Variants in RAB10 observed in about 807,000 individuals in gnomAD.
RAB10 encodes the protein ras-related protein Rab-10.
Under a neutral mutation model 25.7 loss-of-function variants are expected in RAB10, and 5 were observed. The ratio of observed to expected loss-of-function variants is 0.19; its 90% CI spans 0.10 to 0.41. The LOEUF is 0.41. RAB10 is among the 10% of genes least tolerant of loss of function. The probability of loss-of-function intolerance (pLI) is 1.00; values close to 1 mark genes in which losing one functional copy is unlikely to be tolerated. For missense variants in RAB10, 103 were observed against 245.8 expected, an observed-to-expected ratio of 0.42 and a Z score of 3.89; for synonymous variants, 89 against 86.4, an observed-to-expected ratio of 1.03 and a Z score of -0.16.
Position 26,034,472 on chromosome 2 carries a change from G to A in RAB10, c.-137G>A. 1 of 1,200,740 alleles carries A rather than the reference G, an allele frequency of 8.3e-7. No individual in the cohort carries two copies. Among genetic ancestry groups the A allele is most frequent in the Non-Finnish European group, 1.1e-6 (1 of 869,968 alleles). 74.4% of individuals were successfully genotyped at this position (1,200,740 alleles called of 1,614,324 possible). On this transcript the variant is annotated 5_prime_UTR_variant, in exon 1 of 6. Transcript: ENST00000264710. ...GCTTCCTCAAAGCTGTTCGTAGGTC[G>A]CCCGCGCCGTCTCGAGCCTTTTTCC...
chr2:26,080,152 G>T (rs1406685359), intron 1 of RAB10, among the ~76,000 whole-genome samples: 1 of 152,006 alleles, frequency 6.6e-6, no homozygotes, highest in Non-Finnish European at 1.5e-5. Context: ...GGCCAGAGCT[G>T]GAATGAAATA....
Position 26,135,219 on chromosome 2 carries a change from T to A in RAB10, c.*198T>A. On this transcript the variant is annotated 3_prime_UTR_variant, in exon 6 of 6. Coordinates refer to ENST00000264710, the MANE Select transcript of RAB10 (RefSeq NM_016131.5). The stretch of plus-strand genomic sequence containing the variant: ...ATAATTTTCTTCAAACAAAAAAATG[T>A]ATAGAAAAATCATGTCTGTGAGTTC... 1 of 497,054 alleles carries A rather than the reference T, an allele frequency of 2.0e-6. No individual in the cohort carries two copies. Among genetic ancestry groups the A allele is most frequent in the Non-Finnish European group, 3.5e-6 (1 of 282,072 alleles). The allele number at this position is 497,054 out of a possible 1,614,324, so 30.8% of individuals were successfully genotyped here. A position where few individuals can be genotyped will look rare whatever the true frequency, so the allele number is the denominator to read the frequency against.
At chr2:26,102,296 G>C (rs1273138959) in intron 2 of RAB10, among the ~76,000 whole-genome samples, 2 of 152,064 alleles carry the variant, frequency 1.3e-5, no homozygotes, top group African/African-American at 4.8e-5. Flanking sequence ...CTTGTGCCTG[G>C]AATAATGTCT....
chr2:26,060,261 C>G (rs564842023), intron 1 of RAB10, among the ~76,000 whole-genome samples: 1 of 152,224 alleles, frequency 6.6e-6, no homozygotes, highest in East Asian at 1.9e-4. Context: ...TCATTTTGTT[C>G]TCACAGTAGT....
At chr2:26,037,254 A>G (rs1453036722) in intron 1 of RAB10, among the ~76,000 whole-genome samples, 1 of 152,140 alleles carries the variant, frequency 6.6e-6, no homozygotes, top group Non-Finnish European at 1.5e-5. Flanking sequence ...ATGATTTTGG[A>G]TCAAGTCTGC....
At chr2:26,116,593 G>A (rs1260389331) in intron 3 of RAB10, among the ~76,000 whole-genome samples, 1 of 111,780 alleles carries the variant, frequency 8.9e-6, no homozygotes, top group Non-Finnish European at 1.6e-5. Context: ...GTCTTGCTCT[G>A]TCGCCCAGGC....
intron 5 of RAB10, among the ~76,000 whole-genome samples, chr2:26,133,060 A>G (rs1197012525): frequency 6.6e-6 from 1 of 152,220 alleles, no homozygotes; most frequent in African/African-American, 2.4e-5. Flanking sequence ...ATGGAGGAGA[A>G]GAATCCCAAT....
chr2:26,097,181 A>G (rs538366231), intron 1 of RAB10, among the ~76,000 whole-genome samples: 148 of 152,286 alleles, frequency 9.7e-4, no homozygotes, highest in African/African-American at 3.4e-3. Context: ...ATGCCACTGC[A>G]CTCTAGCCTG....
At position 26,127,955 on chromosome 2, in the gene RAB10, A is replaced by G. The variant is rs745606073; in HGVS notation, c.519+4A>G. The stretch of plus-strand genomic sequence containing the variant: ...AGCTGAAGATATCCTTCGAAAGGTA[A>G]GTTCCTGTTTTTATATCCTGCCAGG... On this transcript the variant is annotated splice_donor_region_variant and intron_variant, in intron 5 of 5. Coordinates refer to ENST00000264710, the MANE Select transcript of RAB10 (RefSeq NM_016131.5). 2 of 1,577,428 alleles carry G rather than the reference A, an allele frequency of 1.3e-6. No homozygotes were observed. The highest frequency in any genetic ancestry group is 8.7e-7 in the Non-Finnish European group (1 of 1,146,624).
At chr2:26,116,770 A>G (rs1296006533) in intron 3 of RAB10, among the ~76,000 whole-genome samples, 1 of 151,552 alleles carries the variant, frequency 6.6e-6, no homozygotes, top group African/African-American at 2.4e-5. Flanking sequence ...GTTAGCCAGG[A>G]TGGTCTCGAT....
At position 26,034,454 on chromosome 2, in the gene RAB10, C is replaced by G; in HGVS notation, c.-155C>G. 9.7e-7 allele frequency: 1 copy of G among 1,028,240 alleles called. No individual in the cohort carries two copies. Among genetic ancestry groups the G allele is most frequent in the Non-Finnish European group, 1.4e-6 (1 of 721,352 alleles). 63.7% of individuals were successfully genotyped at this position (1,028,240 alleles called of 1,614,324 possible). Reference sequence around the variant, plus strand: ...GACGCCGCCACTGTCGGGGCTTCCTCAAAGCTGTTCGTAGGTCGCCCGCGC... The same window carrying G: ...GACGCCGCCACTGTCGGGGCTTCCTGAAAGCTGTTCGTAGGTCGCCCGCGC... On this transcript the variant is annotated 5_prime_UTR_variant, in exon 1 of 6. Coordinates refer to ENST00000264710, the MANE Select transcript of RAB10 (RefSeq NM_016131.5).
intron 1 of RAB10, among the ~76,000 whole-genome samples, chr2:26,078,296 G>A (rs1489779495): frequency 1.3e-5 from 2 of 152,102 alleles, no homozygotes; most frequent in Non-Finnish European, 2.9e-5. Context: ...TCAAAATTTT[G>A]ATTACAGAAA....
At chr2:26,126,518 G>A (rs936196194) in intron 3 of RAB10, among the ~76,000 whole-genome samples, 2 of 152,140 alleles carry the variant, frequency 1.3e-5, no homozygotes, top group African/African-American at 2.4e-5. Context: ...GCTTGAACTC[G>A]GGAGGCGAAA....
chr2:26,040,231 A>G (rs1665855125), intron 1 of RAB10, among the ~76,000 whole-genome samples: 1 of 152,178 alleles, frequency 6.6e-6, no homozygotes, highest in Non-Finnish European at 1.5e-5. Context: ...AGCTCACTGT[A>G]GCCTCGAACT....
chr2:26,108,908 T>C (rs1667518937), intron 2 of RAB10, among the ~76,000 whole-genome samples: 1 of 150,656 alleles, frequency 6.6e-6, no homozygotes, highest in South Asian at 2.1e-4. Context: ...TTTATTTATT[T>C]ATTTATTTAT....
intron 1 of RAB10, among the ~76,000 whole-genome samples, chr2:26,047,827 G>C (rs886564125): frequency 5.6e-5 from 8 of 143,994 alleles, no homozygotes; most frequent in African/African-American, 2.1e-4. Context: ...GTGTTCAAAC[G>C]ATTCTCCTGC....
At chr2:26,072,424 T>C (rs1371941291) in intron 1 of RAB10, among the ~76,000 whole-genome samples, 1 of 151,482 alleles carries the variant, frequency 6.6e-6, no homozygotes, top group African/African-American at 2.4e-5. Flanking sequence ...AAAAAATACA[T>C]ATATAATAAT....
At chr2:26,067,674 C>T (rs772203549) in intron 1 of RAB10, among the ~76,000 whole-genome samples, 6 of 152,192 alleles carry the variant, frequency 3.9e-5, no homozygotes, top group African/African-American at 1.4e-4. Context: ...AGAAAAGAGG[C>T]AGACTACCAC....
chr2:26,113,554 A>G (rs543477740), intron 3 of RAB10, among the ~76,000 whole-genome samples: 2 of 132,918 alleles, frequency 1.5e-5, no homozygotes, highest in South Asian at 2.5e-4. Context: ...AGCCTGGGCG[A>G]CAGAGCAAGA....
Sources: gnomAD v4.1 joint callset for allele counts (sites outside exome capture counted in the v4.1 genomes callset) on GRCh38, gnomAD v4.1.1 for gene constraint, MANE v1.5 for transcripts, NCBI Gene and HGNC (gene_info 2026-07-23, HGNC 2026-07-21) for gene names.